SWI5: variants seen among roughly 807,000 people sequenced by gnomAD.
SWI5 encodes DNA repair protein SWI5 homolog.
A neutral mutation model predicts 17.0 loss-of-function variants in SWI5; 12 were observed. That is an observed-to-expected ratio of 0.71 (90% CI 0.45 to 1.14). The LOEUF (loss-of-function observed/expected upper bound fraction) is 1.14. Among genes scored for constraint, SWI5 ranks in the 50% most tolerant of loss-of-function variants. The pLI, the probability that SWI5 is intolerant of heterozygous loss-of-function variation, is 0.00. For missense variants in SWI5, 158 were observed against 162.2 expected (o/e 0.97, Z 0.14); for synonymous variants, 61 against 64.0 (o/e 0.95, Z 0.22).
At chr9:128,276,169 C>T (rs752301853), upstream of SWI5, 2 of 1,577,578 alleles carry the variant, frequency 1.3e-6, no homozygotes, top group South Asian at 1.1e-5. Context: ...GCCAGAGGGA[C>T]CTGTGGCGTC....
intron 2 of SWI5, among the ~76,000 whole-genome samples, chr9:128,277,319 A>G (rs1831428734): frequency 6.6e-6 from 1 of 152,132 alleles, no homozygotes; most frequent in Admixed American, 6.5e-5. Flanking sequence ...TGGGAGGCTG[A>G]GGCGGGCAGA....
At chr9:128,277,676 T>C (rs1278848519) in intron 2 of SWI5, among the ~76,000 whole-genome samples, 2 of 152,194 alleles carry the variant, frequency 1.3e-5, no homozygotes. Context: ...AAAAAAATAA[T>C]TCCAGGACAA....
chr9:128,284,469 A>G (rs1831598088), intron 2 of SWI5, 41 bp from the exon 3 acceptor site: 1 of 1,602,302 alleles, frequency 6.2e-7, no homozygotes, highest in African/African-American at 1.3e-5. Context: ...TGAATTGTGG[A>G]TAACTGGTCA....
intron 2 of SWI5, among the ~76,000 whole-genome samples, chr9:128,283,665 C>A (rs1831582379): frequency 6.6e-6 from 1 of 152,212 alleles, no homozygotes; most frequent in East Asian, 1.9e-4. Context: ...GTGGTTTAAA[C>A]AGTTCATTGG....
intron 1 of SWI5, 88 bp downstream of exon 1, chr9:128,276,490 A>T: frequency 6.3e-7 from 1 of 1,575,232 alleles, no homozygotes; most frequent in Non-Finnish European, 8.6e-7. Context: ...ACCTCCAAAG[A>T]CTCCCATCCA....
chr9:128,276,698 C>T lies in SWI5; in HGVS notation c.63-9C>T, dbSNP rs1194890115. The T allele has an allele frequency of 1.2e-6, 2 of 1,613,912 alleles. No homozygotes were observed. The highest frequency in any genetic ancestry group is 1.7e-6 in the Non-Finnish European group (2 of 1,179,982). ...TCCAATCAGACTTTCCCCTCGGATT[C>T]CTCTCTAGGACTGAACCAAGACTTA... On this transcript the variant is annotated splice_polypyrimidine_tract_variant and intron_variant, in intron 1 of 4. Coordinates refer to ENST00000418976, the Ensembl canonical transcript of SWI5.
chr9:128,275,429 C>T, upstream of SWI5: 1 of 1,297,526 alleles, frequency 7.7e-7, no homozygotes. Context: ...GACCGCAGGG[C>T]CAGGACCCAG....
intron 2 of SWI5, among the ~76,000 whole-genome samples, chr9:128,283,025 A>T (rs187451866): frequency 6.6e-6 from 1 of 152,082 alleles, no homozygotes; most frequent in Non-Finnish European, 1.5e-5. Context: ...CTAAAAATAC[A>T]AAAATTAGGC....
upstream of SWI5, chr9:128,276,237 C>G: frequency 6.2e-7 from 1 of 1,612,230 alleles, no homozygotes; most frequent in Non-Finnish European, 8.5e-7. Context: ...AGGGGCGGGG[C>G]CGGCTTTCCT....
At chr9:128,275,577 G>A (rs1831280436), upstream of SWI5, 10 of 1,084,716 alleles carry the variant, frequency 9.2e-6, no homozygotes, top group South Asian at 2.6e-5. Context: ...GAATTGCTGG[G>A]GTCCTAGGTC....
chr9:128,286,263 G>A (rs960907934), intron 4 of SWI5: 4 of 508,510 alleles, frequency 7.9e-6, no homozygotes, highest in Admixed American at 3.2e-5. Context: ...CCAGGTTTGA[G>A]CGGGGCTTGC....
chr9:128,276,666 C>CT, intron 1 of SWI5, 41 bp from the exon 2 acceptor site: 1 of 1,614,054 alleles, frequency 6.2e-7, no homozygotes, highest in African/African-American at 1.3e-5. Flanking sequence ...TCACAGCGGG[C>CT]TGTGGGTCCA....
chr9:128,275,972 C>G, upstream of SWI5: 1 of 1,596,940 alleles, frequency 6.3e-7, no homozygotes, highest in African/African-American at 1.3e-5. Context: ...GGGTTGGGGC[C>G]ACATCAGCGC....
chr9:128,287,937 TG>T (rs1831673685), intron 4 of SWI5, among the ~76,000 whole-genome samples: 1 of 152,136 alleles, frequency 6.6e-6, no homozygotes, highest in Non-Finnish European at 1.5e-5. Flanking sequence ...TGAGGACACT[TG>T]GGTGAACCAG....
intron 4 of SWI5, 185 bp downstream of exon 4, chr9:128,286,218 G>C: frequency 1.8e-6 from 1 of 569,738 alleles, no homozygotes; most frequent in Non-Finnish European, 3.2e-6. Flanking sequence ...ACCTAGGTTT[G>C]TTCCTCAAGT....
In SWI5 at chr9:128,285,851, C is replaced by A; in HGVS notation, c.234-88C>A. The A allele has an allele frequency of 1.1e-6, 1 of 872,808 alleles. No individual in the cohort carries two copies. Among genetic ancestry groups the A allele is most frequent in the Non-Finnish European group, 1.9e-6 (1 of 521,802 alleles). The allele number at this position is 872,808 out of a possible 1,614,324, so 54.1% of individuals were successfully genotyped here. On this transcript the variant is annotated intron_variant, in intron 3 of 4. Coordinates refer to ENST00000418976, the Ensembl canonical transcript of SWI5. The surrounding 1 kb of genome is among the most constrained non-coding windows in gnomAD (Gnocchi z 4.8). ...GTACCTATCACCGAGTAGGCCATTACAGATGCCTTATTACTATCTGAGCCT... is the reference window on the plus strand; with the variant it reads ...GTACCTATCACCGAGTAGGCCATTAAAGATGCCTTATTACTATCTGAGCCT...
intron 2 of SWI5, among the ~76,000 whole-genome samples, chr9:128,282,920 G>A (rs758375068): frequency 2.6e-5 from 4 of 152,274 alleles, no homozygotes; most frequent in South Asian, 2.1e-4. Context: ...GCTCACGCCT[G>A]TAATCCCAGC....
chr9:128,282,915 C>T (rs747918463), intron 2 of SWI5, among the ~76,000 whole-genome samples: 8 of 152,262 alleles, frequency 5.3e-5, no homozygotes, highest in Non-Finnish European at 1.2e-4. Context: ...TGGTGGCTCA[C>T]GCCTGTAATC....
chr9:128,280,739 G>C (rs1006181369), intron 2 of SWI5, among the ~76,000 whole-genome samples: 2 of 152,170 alleles, frequency 1.3e-5, no homozygotes, highest in African/African-American at 4.8e-5. Flanking sequence ...GGATGGTCTT[G>C]ATCTCCTGAC....
Sources: allele counts gnomAD v4.1 joint callset (sites outside exome capture counted in the v4.1 genomes callset), GRCh38; gene constraint gnomAD v4.1.1; non-coding constraint Gnocchi (gnomAD v3.1); transcripts MANE v1.5; gene names NCBI Gene and HGNC (gene_info 2026-07-23, HGNC 2026-07-21).